HPSE2: variants seen among roughly 807,000 people sequenced by gnomAD.
HPSE2 encodes the protein heparanase 2 (inactive).
HPSE2 carries 38 observed loss-of-function variants against 60.5 expected under a neutral mutation model. The ratio of observed to expected loss-of-function variants is 0.63; its 90% CI spans 0.48 to 0.82. The LOEUF is 0.82. HPSE2 is among the 40% of genes least tolerant of loss of function. The pLI, the probability that HPSE2 is intolerant of heterozygous loss-of-function variation, is 0.00. For missense variants in HPSE2, 713 were observed against 740.4 expected, an observed-to-expected ratio of 0.96 and a Z score of 0.43; for synonymous variants, 295 against 293.2, an observed-to-expected ratio of 1.01 and a Z score of -0.06.
intron 2 of HPSE2, among the ~76,000 whole-genome samples, chr10:99,150,125 G>A (rs776168312): frequency 7.2e-5 from 11 of 152,042 alleles, no homozygotes; most frequent in African/African-American, 9.7e-5. Flanking sequence ...ACAAAGGAGC[G>A]GGCATCTTGC....
intron 3 of HPSE2, among the ~76,000 whole-genome samples, chr10:99,140,894 G>A (rs986638475): frequency 3.3e-5 from 5 of 152,106 alleles, no homozygotes; most frequent in African/African-American, 7.2e-5. Context: ...AAAATTAGCC[G>A]GATGTGGTGG....
chr10:98,531,104 T>G (rs1943117878), intron 9 of HPSE2, among the ~76,000 whole-genome samples: 1 of 152,160 alleles, frequency 6.6e-6, no homozygotes, highest in South Asian at 2.1e-4. Context: ...CCCTCCAACA[T>G]TTTATGCCCC....
chr10:99,259,305 C>CA, the HPSE2 span, among the ~76,000 whole-genome samples: 3 of 58,402 alleles, frequency 5.1e-5, no homozygotes, highest in Admixed American at 1.5e-4. Flanking sequence ...AAACCCCCCC[C>CA]ACCAAAAAAA....
chr10:99,273,040 G>A, the HPSE2 span, among the ~76,000 whole-genome samples: 1 of 152,154 alleles, frequency 6.6e-6, no homozygotes, highest in African/African-American at 2.4e-5. Flanking sequence ...ATCAGCAAGT[G>A]GATAAAGAAA....
At chr10:99,278,510 T>C in the HPSE2 span, among the ~76,000 whole-genome samples, 2 of 152,254 alleles carry the variant, frequency 1.3e-5, no homozygotes, top group South Asian at 4.2e-4. Context: ...GTGTCATTCC[T>C]GGATTTCCCA....
At chr10:99,006,923 A>C (rs930507801) in intron 3 of HPSE2, among the ~76,000 whole-genome samples, 1 of 151,156 alleles carries the variant, frequency 6.6e-6, no homozygotes, top group African/African-American at 2.4e-5. Flanking sequence ...AGGTACTAGT[A>C]TGGAGCCTGG....
chr10:99,114,824 G>A (rs1844610129), intron 3 of HPSE2, among the ~76,000 whole-genome samples: 1 of 148,212 alleles, frequency 6.7e-6, no homozygotes, highest in Non-Finnish European at 1.5e-5. Context: ...TGAGGCAGGA[G>A]AATGGCGTGA....
chr10:99,030,437 C>T (rs1416177631), intron 3 of HPSE2, among the ~76,000 whole-genome samples: 1 of 152,182 alleles, frequency 6.6e-6, no homozygotes, highest in Non-Finnish European at 1.5e-5. Flanking sequence ...ATGAAAACTA[C>T]AATGAGATAT....
At chr10:98,595,818 G>A (rs117728162) in intron 9 of HPSE2, among the ~76,000 whole-genome samples, 1,856 of 152,266 alleles carry the variant, frequency 0.012, 20 homozygotes, top group Middle Eastern at 0.024. Flanking sequence ...TCACCATGGA[G>A]TATAATGTTA....
intron 5 of HPSE2, among the ~76,000 whole-genome samples, chr10:98,700,237 C>G (rs1948365365): frequency 1.3e-5 from 2 of 151,240 alleles, no homozygotes; most frequent in African/African-American, 4.8e-5. Context: ...TACCTGACTT[C>G]AAACTATACT....
chr10:99,101,745 C>T (rs1204671415), intron 3 of HPSE2, among the ~76,000 whole-genome samples: 1 of 152,196 alleles, frequency 6.6e-6, no homozygotes, highest in African/African-American at 2.4e-5. Context: ...TAAAGCACTC[C>T]TCAGCAAATG....
intron 3 of HPSE2, among the ~76,000 whole-genome samples, chr10:98,974,393 T>C (rs1956035208): frequency 6.6e-6 from 1 of 152,134 alleles, no homozygotes; most frequent in African/African-American, 2.4e-5. Context: ...TGGAGTGCAG[T>C]GGTTGGGACT....
intron 2 of HPSE2, among the ~76,000 whole-genome samples, chr10:99,165,356 T>C (rs1847034139): frequency 6.6e-6 from 1 of 151,940 alleles, no homozygotes; most frequent in Admixed American, 6.6e-5. Flanking sequence ...TCTCCAAGTT[T>C]CCAGTATGAT....
At chr10:99,230,433 T>C (rs895937693) in intron 2 of HPSE2, among the ~76,000 whole-genome samples, 2 of 152,162 alleles carry the variant, frequency 1.3e-5, no homozygotes, top group Non-Finnish European at 2.9e-5. Context: ...TAATGCCAGG[T>C]TGGACAAAAC....
At chr10:98,806,942 G>A (rs1951056082) in intron 3 of HPSE2, among the ~76,000 whole-genome samples, 1 of 152,148 alleles carries the variant, frequency 6.6e-6, no homozygotes, top group African/African-American at 2.4e-5. Flanking sequence ...AGGAGTTCGA[G>A]ACCAGCCTGG....
chr10:98,716,911 T>C (rs927549893), intron 5 of HPSE2, among the ~76,000 whole-genome samples: 5 of 152,058 alleles, frequency 3.3e-5, no homozygotes, highest in African/African-American at 1.2e-4. Flanking sequence ...GTTCCATTTA[T>C]AGAGTACAGG....
chr10:98,769,937 T>C (rs989373370), intron 3 of HPSE2, among the ~76,000 whole-genome samples: 4 of 152,296 alleles, frequency 2.6e-5, no homozygotes, highest in Non-Finnish European at 1.5e-5. Context: ...TATTTTTCTT[T>C]TGGATACAAA....
intron 3 of HPSE2, among the ~76,000 whole-genome samples, chr10:98,998,486 T>C (rs151180381): frequency 6.6e-6 from 1 of 152,180 alleles, no homozygotes; most frequent in Non-Finnish European, 1.5e-5. Context: ...GAAGGCTTCT[T>C]GTAAGAAGGG....
intron 4 of HPSE2, among the ~76,000 whole-genome samples, chr10:98,725,854 A>G (rs1949061548): frequency 6.6e-6 from 1 of 152,232 alleles, no homozygotes. Context: ...TCAAAAGAAG[A>G]CATTTATGCA....
Sources: gnomAD v4.1 joint callset for allele counts (sites outside exome capture counted in the v4.1 genomes callset) on GRCh38, gnomAD v4.1.1 for gene constraint, MANE v1.5 for transcripts, NCBI Gene and HGNC (gene_info 2026-07-23, HGNC 2026-07-21) for gene names.